Variants in RPS6KA2 observed in about 807,000 individuals in gnomAD.
RPS6KA2 encodes ribosomal protein S6 kinase alpha-2.
Under a neutral mutation model 91.8 loss-of-function variants are expected in RPS6KA2, and 42 were observed. The ratio of observed to expected loss-of-function variants is 0.46; its 90% CI spans 0.36 to 0.59. RPS6KA2 has a LOEUF of 0.59. Among genes scored for constraint, RPS6KA2 ranks in the 20% least tolerant of loss-of-function variants. RPS6KA2 has a pLI of 0.00. For synonymous variants in RPS6KA2, 414 were observed against 393.6 expected (o/e 1.05, Z -0.61); for missense variants, 798 against 978.5 (o/e 0.82, Z 2.46).
At chr6:166,717,335 G>A (rs572168867) in intron 2 of RPS6KA2, among the ~76,000 whole-genome samples, 97 of 152,292 alleles carry the variant, frequency 6.4e-4, no homozygotes, top group African/African-American at 2.0e-3. Context: ...GCCCAGGTGC[G>A]CTGTAGGAGA....
rs758145807 is a variant in RPS6KA2 at position 166,494,504 on chromosome 6, G to A, written c.748-3763C>T. Among the ~76,000 whole-genome samples the A allele has an allele frequency of 2.0e-5, 3 of 152,230 alleles. No homozygotes were observed. Among genetic ancestry groups the A allele is most frequent in the Admixed American group, 6.5e-5 (1 of 15,282 alleles). On this transcript the variant is annotated intron_variant, in intron 8 of 20. Transcript: ENST00000265678. This position sits in a 1 kb window ranked among gnomAD's most constrained non-coding sequence, Gnocchi z 5.1. ...CGGGAGAAGGATAAAGTGGTCTCAC[G>A]AAACCAGAGTGCTCAAGAGATGCTT...
chr6:166,806,291 T>C (rs1027023540), intron 2 of RPS6KA2, among the ~76,000 whole-genome samples: 2 of 152,156 alleles, frequency 1.3e-5, no homozygotes, highest in African/African-American at 2.4e-5. Flanking sequence ...AAACTACAAG[T>C]ATGATGAACT....
At chr6:166,552,402 T>C (rs1416594341) in intron 1 of RPS6KA2, among the ~76,000 whole-genome samples, 1 of 152,242 alleles carries the variant, frequency 6.6e-6, no homozygotes, top group Non-Finnish European at 1.5e-5. Context: ...TGGCATGGCC[T>C]CACCCACATG....
chr6:166,742,092 C>T (rs952926293), intron 2 of RPS6KA2, among the ~76,000 whole-genome samples: 4 of 152,158 alleles, frequency 2.6e-5, no homozygotes, highest in African/African-American at 7.2e-5. Context: ...GAGATCACAC[C>T]ACTGCACTCC....
At chr6:166,498,864 G>A (rs1037926352) in intron 7 of RPS6KA2, among the ~76,000 whole-genome samples, 1 of 152,206 alleles carries the variant, frequency 6.6e-6, no homozygotes, top group African/African-American at 2.4e-5. Context: ...TCCTCAAAGC[G>A]TGAGGAGTTC....
chr6:166,415,503 T>C (rs1459498837), intron 19 of RPS6KA2, among the ~76,000 whole-genome samples: 3 of 152,178 alleles, frequency 2.0e-5, no homozygotes, highest in Admixed American at 2.0e-4. Flanking sequence ...TGGTAGGGAC[T>C]GGTGGTGAAG....
intron 3 of RPS6KA2, among the ~76,000 whole-genome samples, chr6:166,513,630 C>A (rs1782544808): frequency 6.6e-6 from 1 of 152,186 alleles, no homozygotes; most frequent in African/African-American, 2.4e-5. Context: ...TGAGCACTGT[C>A]CTCACTGGAC....
At chr6:166,739,487 C>T (rs890173158) in intron 2 of RPS6KA2, among the ~76,000 whole-genome samples, 3 of 152,216 alleles carry the variant, frequency 2.0e-5, no homozygotes, top group Non-Finnish European at 2.9e-5. Flanking sequence ...CGGGCCCTGG[C>T]GTTTCTACTG....
Position 166,648,715 on chromosome 6 carries a change from G to A in RPS6KA2, c.124-109931C>T, listed in dbSNP as rs146193890. 2.6e-5 allele frequency among the ~76,000 whole-genome samples: 4 copies of A among 152,170 alleles called. No individual in the cohort carries two copies. The East Asian group carries it at 7.7e-4, about 29-fold the overall frequency. ...GCCGACTCCATCTGCGCATCACTCCGATCTGTATTACAGTGATTACTCCGG... is the reference window on the plus strand; with the variant it reads ...GCCGACTCCATCTGCGCATCACTCCAATCTGTATTACAGTGATTACTCCGG... On this transcript the variant is annotated intron_variant, in intron 2 of 21. Transcript: ENST00000503859. The surrounding 1 kb of genome is among the most constrained non-coding windows in gnomAD (Gnocchi z 4.8).
chr6:166,813,252 G>A (rs1345040468), intron 2 of RPS6KA2, among the ~76,000 whole-genome samples: 1 of 152,148 alleles, frequency 6.6e-6, no homozygotes. Flanking sequence ...TCCCACAGCA[G>A]CAGCCAGGGC....
In RPS6KA2 at chr6:166,448,549, T is replaced by G. The variant is rs1779749777; in HGVS notation, c.1332+175A>C. ...TGGAGTCACTGCACAGCTGAGCACG[T>G]GAGCACATATGCTGTGCTCCTATGC... On this transcript the variant is annotated intron_variant, in intron 14 of 20. Transcript: ENST00000265678. The surrounding 1 kb of genome is among the most constrained non-coding windows in gnomAD (Gnocchi z 4.7). 6.6e-6 allele frequency among the ~76,000 whole-genome samples: 1 copy of G among 152,224 alleles called. No individual in the cohort carries two copies. The highest frequency in any genetic ancestry group is 2.1e-4 in the South Asian group (1 of 4,834).
chr6:166,706,491 A>G (rs1219014552), intron 2 of RPS6KA2, among the ~76,000 whole-genome samples: 1 of 151,886 alleles, frequency 6.6e-6, no homozygotes, highest in African/African-American at 2.4e-5. Context: ...CGTGGGAAGG[A>G]AGATCTGGGG....
At chr6:166,748,285 T>G (rs540607928) in intron 2 of RPS6KA2, among the ~76,000 whole-genome samples, 9 of 152,082 alleles carry the variant, frequency 5.9e-5, no homozygotes, top group Non-Finnish European at 1.0e-4. Flanking sequence ...GGCTCCATGC[T>G]CCCACTGCCA....
At chr6:166,600,253 C>T (rs1335221152) in intron 1 of RPS6KA2, among the ~76,000 whole-genome samples, 1 of 152,226 alleles carries the variant, frequency 6.6e-6, no homozygotes, top group Non-Finnish European at 1.5e-5. Flanking sequence ...GATCTTCTGG[C>T]CTCAGCCTCC....
At chr6:166,741,893 G>T (rs973316310) in intron 2 of RPS6KA2, among the ~76,000 whole-genome samples, 1 of 152,198 alleles carries the variant, frequency 6.6e-6, no homozygotes, top group Non-Finnish European at 1.5e-5. Context: ...TTAAGAGGCC[G>T]AGGAAGGCGG....
chr6:166,586,504 G>T, intron 1 of RPS6KA2: 2 of 1,582,438 alleles, frequency 1.3e-6, no homozygotes, highest in South Asian at 1.1e-5. Context: ...GTTTGAGGCA[G>T]CTGTATTGCT....
chr6:166,763,636 C>T (rs1778229218), intron 2 of RPS6KA2, among the ~76,000 whole-genome samples: 1 of 152,182 alleles, frequency 6.6e-6, no homozygotes, highest in Non-Finnish European at 1.5e-5. Context: ...ACCTTGGAAA[C>T]CAAAAGTTAA....
intron 1 of RPS6KA2, among the ~76,000 whole-genome samples, chr6:166,597,602 GA>G (rs2128524419): frequency 6.6e-6 from 1 of 152,344 alleles, no homozygotes; most frequent in Admixed American, 6.5e-5. Flanking sequence ...AGCCATTTTG[GA>G]AACAATCGTT....
intron 2 of RPS6KA2, among the ~76,000 whole-genome samples, chr6:166,777,142 G>A (rs1778642871): frequency 6.6e-6 from 1 of 152,232 alleles, no homozygotes. Flanking sequence ...CGGGAGGCCT[G>A]AGCAGGGAGC....
Sources: allele counts gnomAD v4.1 joint callset (sites outside exome capture counted in the v4.1 genomes callset), GRCh38; gene constraint gnomAD v4.1.1; non-coding constraint Gnocchi (gnomAD v3.1); transcripts MANE v1.5; gene names NCBI Gene and HGNC (gene_info 2026-07-23, HGNC 2026-07-21).